The following ATRX variants were observed in gnomAD, a reference collection of about 807,000 sequenced individuals.
The protein encoded by ATRX is ATRX chromatin remodeler.
In ATRX, 12 loss-of-function variants were observed where a neutral mutation model predicts 172.6. The observed-to-expected ratio is 0.07, with a 90% confidence interval of 0.04 to 0.11. ATRX has a LOEUF of 0.11. Among genes scored for constraint, ATRX ranks in the 10% least tolerant of loss-of-function variants. ATRX has a pLI of 1.00. For missense variants in ATRX, 1,368 were observed against 1,767.4 expected (o/e 0.77, Z 4.05); for synonymous variants, 674 against 594.7 (o/e 1.13, Z -1.94).
chrX:77,644,205 G>T (rs1557112520), intron 15 of ATRX, among the ~76,000 whole-genome samples: 1 of 112,627 alleles, frequency 8.9e-6, no homozygotes, highest in Non-Finnish European at 1.9e-5. Context: ...GCCTCCCAAA[G>T]TGCTGGGATT....
intron 16 of ATRX, 23 bp from the exon 17 acceptor site, chrX:77,634,726 GTTAAAT>G (rs1557107234): frequency 1.7e-6 from 2 of 1,169,481 alleles, no homozygotes; most frequent in Non-Finnish European, 2.3e-6. Context: ...GCTTCATTAA[GTTAAAT>G]TTAAAGGTCC....
At chrX:77,584,316 A>T (rs2065931528) in intron 27 of ATRX, among the ~76,000 whole-genome samples, 1 of 111,609 alleles carries the variant, frequency 9.0e-6, no homozygotes, top group African/African-American at 3.3e-5. Flanking sequence ...TACAAAAAAC[A>T]ACCCTAAAAA....
intron 19 of ATRX, among the ~76,000 whole-genome samples, chrX:77,623,385 C>T (rs2067679914): frequency 9.0e-6 from 1 of 110,929 alleles, no homozygotes; most frequent in Non-Finnish European, 1.9e-5. Context: ...CCGAACAGAC[C>T]AGTAACAAGC....
chrX:77,737,448 C>G (rs1187256729), intron 1 of ATRX, among the ~76,000 whole-genome samples: 6 of 61,696 alleles, frequency 9.7e-5, no homozygotes, highest in Non-Finnish European at 1.6e-4. Flanking sequence ...GGGGGGGGGG[C>G]CTAGTATTTG....
intron 21 of ATRX, among the ~76,000 whole-genome samples, chrX:77,617,880 C>G (rs782527718): frequency 1.8e-5 from 2 of 109,424 alleles, no homozygotes; most frequent in African/African-American, 3.3e-5. Flanking sequence ...CCGTGGCTGG[C>G]TAATTTTTTA....
At position 77,681,941 on chromosome X, in the gene ATRX, T is replaced by C. The variant is rs782378663; in HGVS notation, c.3315A>G (p.Gln1105=). ...TCTCAGTATCAGATGATGAACAATC[T>C]TGTCTCTTCCTTGAACTCTTTCCAA... ...KLLGKSSRKR[Q]DCSSSDTEKY... Residue 1105 remains glutamine, a synonymous_variant, in exon 9 of 35, where the codon CAA becomes CAG. Coordinates refer to ENST00000373344, the MANE Select transcript of ATRX (RefSeq NM_000489.6). The C allele has an allele frequency of 2.5e-6, 3 of 1,208,826 alleles. No individual in the cohort carries two copies. The highest frequency in any genetic ancestry group is 3.4e-6 in the Non-Finnish European group (3 of 894,656).
intron 30 of ATRX, among the ~76,000 whole-genome samples, chrX:77,528,215 C>T (rs782722165): frequency 1.4e-3 from 153 of 111,008 alleles, no homozygotes; most frequent in Non-Finnish European, 2.0e-3. Context: ...TGACAGGTCC[C>T]GACCCACTCC....
intron 1 of ATRX, among the ~76,000 whole-genome samples, chrX:77,736,134 ACT>A (rs1476549246): frequency 1.6e-4 from 18 of 111,795 alleles, no homozygotes; most frequent in African/African-American, 5.2e-4. Context: ...CATTGGGGAA[ACT>A]CTCTAGGCCA....
chrX:77,681,633 A>G lies in ATRX; in HGVS notation c.3623T>C (p.Ile1208Thr), dbSNP rs374291079. 5.0e-6 allele frequency: 6 copies of G among 1,206,022 alleles called. No homozygotes were observed. In the South Asian group the frequency reaches 9.0e-5, roughly 18 times the overall value. ...ADITSSSSSD[I>T]EDDDQNSIGE... ...TATAGAATTCTGATCATCATCTTCTATATCAGAAGAAGATGAGGATGTAAT... is the reference window on the plus strand; with the variant it reads ...TATAGAATTCTGATCATCATCTTCTGTATCAGAAGAAGATGAGGATGTAAT... Residue 1208 changes from isoleucine to threonine, a missense_variant, in exon 9 of 35, where the codon ATA becomes ACA. This residue lies in a region of ATRX where 843 missense variants were observed against 643.1 expected (regional missense o/e 1.31). Transcript: ENST00000373344.
intron 15 of ATRX, among the ~76,000 whole-genome samples, chrX:77,636,953 G>A (rs1262137635): frequency 2.0e-5 from 2 of 100,512 alleles, no homozygotes; most frequent in Non-Finnish European, 4.0e-5. Context: ...GAAGAAGGAG[G>A]AAGGAGGAGG....
chrX:77,774,161 G>T (rs1332299484), intron 1 of ATRX, among the ~76,000 whole-genome samples: 2 of 109,886 alleles, frequency 1.8e-5, no homozygotes, highest in Non-Finnish European at 3.8e-5. Context: ...GATGGAGGTT[G>T]CAGTGAGCCA....
chrX:77,777,191 T>TTA (rs2076382081), intron 1 of ATRX, among the ~76,000 whole-genome samples: 1 of 21,042 alleles, frequency 4.8e-5, no homozygotes, highest in Non-Finnish European at 8.0e-5. Flanking sequence ...CTGTCTCTAC[T>TTA]AAAAAAAAAA....
intron 9 of ATRX, among the ~76,000 whole-genome samples, chrX:77,679,705 A>G (rs1403304008): frequency 8.9e-6 from 1 of 112,061 alleles, no homozygotes; most frequent in Non-Finnish European, 1.9e-5. Flanking sequence ...GTTTAATCAC[A>G]GAAACCAATT....
chrX:77,552,494 G>A (rs1227006455), intron 30 of ATRX, among the ~76,000 whole-genome samples: 1 of 105,313 alleles, frequency 9.5e-6, no homozygotes, highest in African/African-American at 3.5e-5. Context: ...GATAGCATTA[G>A]GAGATATACC....
At chrX:77,573,960 C>T (rs2065511748) in intron 28 of ATRX, among the ~76,000 whole-genome samples, 1 of 110,622 alleles carries the variant, frequency 9.0e-6, no homozygotes, top group African/African-American at 3.3e-5. Flanking sequence ...GTGATATAGC[C>T]CTATAATGGA....
intron 30 of ATRX, among the ~76,000 whole-genome samples, chrX:77,529,821 T>C (rs1364284206): frequency 8.9e-6 from 1 of 111,930 alleles, no homozygotes; most frequent in Non-Finnish European, 1.9e-5. Flanking sequence ...CTTAGAGACC[T>C]ACAAAGAGAA....
At chrX:77,679,648 G>T (rs1557135767) in intron 9 of ATRX, among the ~76,000 whole-genome samples, 1 of 111,613 alleles carries the variant, frequency 9.0e-6, no homozygotes, top group African/African-American at 3.3e-5. Flanking sequence ...CTTAAGAAAA[G>T]TAGTAAAATA....
intron 7 of ATRX, among the ~76,000 whole-genome samples, chrX:77,688,030 C>T (rs782801325): frequency 1.3e-4 from 15 of 111,264 alleles, no homozygotes; most frequent in African/African-American, 4.6e-4. Flanking sequence ...CTCCACCTCC[C>T]GGGTTCAAGC....
In ATRX at chrX:77,547,126, T is replaced by C. The variant is rs782326144; in HGVS notation, c.6699+10325A>G. 6.3e-5 allele frequency among the ~76,000 whole-genome samples: 7 copies of C among 111,868 alleles called. No homozygotes were observed. In the South Asian group the frequency reaches 2.6e-3, roughly 42 times the overall value. ...AATTCATTTATTAAATGAGCATTTA[T>C]TAAATGCAAACCTGGTATTTTAAAT... On this transcript the variant is annotated intron_variant, in intron 30 of 34. Transcript: ENST00000373344.
Sources: gnomAD v4.1 joint callset for allele counts (sites outside exome capture counted in the v4.1 genomes callset) on GRCh38, gnomAD v4.1.1 for gene constraint, gnomAD v4.1.1 regional missense constraint, MANE v1.5 for transcripts, NCBI Gene and HGNC (gene_info 2026-07-23, HGNC 2026-07-21) for gene names.